DCC: variants seen among roughly 807,000 people sequenced by gnomAD.
DCC encodes the protein DCC netrin 1 receptor, also known as netrin receptor DCC.
A neutral mutation model predicts 172.5 loss-of-function variants in DCC; 58 were observed. The observed-to-expected ratio is 0.34, with a 90% CI of 0.27 to 0.42. The LOEUF (loss-of-function observed/expected upper bound fraction) is 0.42. Among genes scored for constraint, DCC ranks in the 10% least tolerant of loss-of-function variants. DCC has a pLI of 1.00. For synonymous variants in DCC, 709 were observed against 644.5 expected (o/e 1.10, Z -1.52); for missense variants, 1,740 against 1,791.0 (o/e 0.97, Z 0.51).
At chr18:53,365,477 T>G (rs994397686) in intron 15 of DCC, among the ~76,000 whole-genome samples, 1 of 151,548 alleles carries the variant, frequency 6.6e-6, no homozygotes, top group African/African-American at 2.4e-5. Flanking sequence ...AGCAGCAAAC[T>G]TTTTATTTTC....
At chr18:53,357,806 C>T (rs73957169) in intron 15 of DCC, among the ~76,000 whole-genome samples, 6,511 of 152,234 alleles carry the variant, frequency 0.043, 453 homozygotes, top group African/African-American at 0.14. Flanking sequence ...TGAACACGGA[C>T]TTCAGCTGCA....
intron 21 of DCC, among the ~76,000 whole-genome samples, chr18:53,429,436 C>A (rs920478304): frequency 4.6e-5 from 7 of 151,612 alleles, no homozygotes; most frequent in African/African-American, 1.7e-4. Flanking sequence ...TGTATGCTCA[C>A]TCAATTTCAT....
At chr18:52,792,808 T>C (rs62083268) in intron 2 of DCC, among the ~76,000 whole-genome samples, 80 of 134,712 alleles carry the variant, frequency 5.9e-4, no homozygotes, top group African/African-American at 2.0e-3. Flanking sequence ...CCATTCCAGT[T>C]GATTCAATTC....
chr18:53,327,215 A>T (rs943287116), intron 14 of DCC, among the ~76,000 whole-genome samples: 3 of 152,046 alleles, frequency 2.0e-5, no homozygotes, highest in African/African-American at 7.2e-5. Context: ...ACCAAACCAC[A>T]TTGTTTGTTC....
intron 5 of DCC, among the ~76,000 whole-genome samples, chr18:53,005,091 A>G (rs1005819907): frequency 2.0e-5 from 3 of 152,174 alleles, no homozygotes; most frequent in African/African-American, 7.2e-5. Context: ...ACATAGCATG[A>G]AAGCCCTAGC....
At chr18:52,543,647 A>G (rs2032528214) in intron 1 of DCC, among the ~76,000 whole-genome samples, 1 of 152,200 alleles carries the variant, frequency 6.6e-6, no homozygotes, top group Admixed American at 6.5e-5. Flanking sequence ...AAGACAAACC[A>G]TCATAGATCA....
At position 53,512,595 on chromosome 18, in the gene DCC, C is replaced by T. The variant is rs1598831234; in HGVS notation, c.4111+13085C>T. 4.6e-5 allele frequency among the ~76,000 whole-genome samples: 7 copies of T among 150,792 alleles called. No individual in the cohort carries two copies. The South Asian group carries it at 1.5e-3, about 32-fold the overall frequency. ...TTAGAAGAATGTATAACTAGAATAA[C>T]CAATACAGAGAAGTGCTTAAAGGAG... On this transcript the variant is annotated intron_variant, in intron 27 of 28. Coordinates refer to ENST00000442544, the MANE Select transcript of DCC (RefSeq NM_005215.4).
rs368667544 is a variant in DCC at position 53,261,649 on chromosome 18, C to G, written c.1912-43929C>G. Among the ~76,000 whole-genome samples the G allele has an allele frequency of 8.6e-4, 131 of 152,196 alleles. 1 individual carries two copies. The highest frequency in any genetic ancestry group is 2.8e-3 in the African/African-American group (115 of 41,528). On this transcript the variant is annotated intron_variant, in intron 12 of 28. Transcript: ENST00000442544. ...CCTCAGCCTCTCCGAGTAGCTGGGACTACAGGTGCCTGCCATCATACCCGG... is the reference window on the plus strand; with the variant it reads ...CCTCAGCCTCTCCGAGTAGCTGGGAGTACAGGTGCCTGCCATCATACCCGG...
intron 12 of DCC, among the ~76,000 whole-genome samples, chr18:53,247,061 G>A (rs532395088): frequency 2.6e-5 from 4 of 152,046 alleles, no homozygotes; most frequent in Admixed American, 1.3e-4. Context: ...TCAGAGAATA[G>A]AGCATTACAC....
intron 2 of DCC, among the ~76,000 whole-genome samples, chr18:52,821,441 T>C (rs929638218): frequency 1.3e-5 from 2 of 152,238 alleles, no homozygotes; most frequent in South Asian, 2.1e-4. Flanking sequence ...CTTTCAGATA[T>C]CATCTCATAC....
chr18:52,760,601 T>G (rs1379203113), intron 2 of DCC, among the ~76,000 whole-genome samples: 1 of 152,216 alleles, frequency 6.6e-6, no homozygotes, highest in Non-Finnish European at 1.5e-5. Context: ...TTACATTAGA[T>G]AGCACAGTTA....
chr18:53,513,065 G>A (rs886707541), intron 27 of DCC, among the ~76,000 whole-genome samples: 2 of 152,182 alleles, frequency 1.3e-5, no homozygotes, highest in Admixed American at 6.5e-5. Flanking sequence ...CAGAGAGAAA[G>A]GTCGGGTTAC....
chr18:53,035,285 C>T (rs2042078019), intron 5 of DCC, among the ~76,000 whole-genome samples: 1 of 151,968 alleles, frequency 6.6e-6, no homozygotes, highest in South Asian at 2.1e-4. Flanking sequence ...TCTCATCTTA[C>T]TATTTTCTAT....
intron 13 of DCC, among the ~76,000 whole-genome samples, chr18:53,311,366 G>A (rs1963071): frequency 0.14 from 21,735 of 151,948 alleles, 2,203 homozygotes; most frequent in African/African-American, 0.28. Flanking sequence ...CAGGTGATCC[G>A]CTCTCCTTGG....
At chr18:53,159,356 T>C (rs2054798397) in intron 8 of DCC, among the ~76,000 whole-genome samples, 1 of 152,212 alleles carries the variant, frequency 6.6e-6, no homozygotes, top group Non-Finnish European at 1.5e-5. Flanking sequence ...TACTGACTGC[T>C]GCCTCCCAAC....
chr18:52,560,487 A>G (rs2033011897), intron 1 of DCC, among the ~76,000 whole-genome samples: 1 of 152,216 alleles, frequency 6.6e-6, no homozygotes, highest in South Asian at 2.1e-4. Context: ...TTTGGTATCT[A>G]TGGCCTCTCT....
chr18:52,852,831 A>T (rs184213832), intron 2 of DCC, among the ~76,000 whole-genome samples: 12 of 152,262 alleles, frequency 7.9e-5, no homozygotes, highest in African/African-American at 2.2e-4. Context: ...AGCATTTATT[A>T]AATTCTTACT....
chr18:52,864,433 A>T (rs2145367363), intron 2 of DCC, among the ~76,000 whole-genome samples: 1 of 152,352 alleles, frequency 6.6e-6, no homozygotes, highest in East Asian at 1.9e-4. Flanking sequence ...CAAAATAATG[A>T]GCTAAATGCA....
intron 7 of DCC, among the ~76,000 whole-genome samples, chr18:53,151,521 A>C (rs1205712590): frequency 1.3e-5 from 2 of 152,186 alleles, no homozygotes; most frequent in Non-Finnish European, 2.9e-5. Flanking sequence ...TATCCAATAC[A>C]TTATTTTATG....
Sources: allele counts gnomAD v4.1 joint callset (sites outside exome capture counted in the v4.1 genomes callset), GRCh38; gene constraint gnomAD v4.1.1; transcripts MANE v1.5; gene names NCBI Gene and HGNC (gene_info 2026-07-23, HGNC 2026-07-21).